Variants in ARHGEF7 observed in about 807,000 individuals in gnomAD.
The protein encoded by ARHGEF7 is PAK-interacting exchange factor beta.
A neutral mutation model predicts 109.8 loss-of-function variants in ARHGEF7; 33 were observed. That is an observed-to-expected ratio of 0.30 (90% CI 0.23 to 0.40). ARHGEF7 has a LOEUF of 0.40. Among genes scored for constraint, ARHGEF7 ranks in the 10% least tolerant of loss-of-function variants. The pLI is 1.00. For missense variants in ARHGEF7, 938 were observed against 1,098.5 expected, an observed-to-expected ratio of 0.85 and a Z score of 2.07; for synonymous variants, 458 against 424.6, an observed-to-expected ratio of 1.08 and a Z score of -0.97.
At chr13:111,280,062 G>A (rs2092700535) in intron 13 of ARHGEF7, among the ~76,000 whole-genome samples, 1 of 152,126 alleles carries the variant, frequency 6.6e-6, no homozygotes, top group South Asian at 2.1e-4. Context: ...CGCCAGTTGA[G>A]TTTCTTGCTT....
intron 19 of ARHGEF7, chr13:111,293,100 G>A: frequency 1.0e-6 from 1 of 985,434 alleles, no homozygotes; most frequent in Non-Finnish European, 1.2e-6. Context: ...CACATAGCAA[G>A]CCTGTACCAC....
intron 2 of ARHGEF7, among the ~76,000 whole-genome samples, chr13:111,191,533 G>T (rs2079890172): frequency 6.6e-6 from 1 of 152,178 alleles, no homozygotes; most frequent in Non-Finnish European, 1.5e-5. Flanking sequence ...CATAATGAGG[G>T]TGATAGGTTA....
intron 5 of ARHGEF7, among the ~76,000 whole-genome samples, chr13:111,229,227 C>T (rs546525929): frequency 2.0e-5 from 3 of 152,168 alleles, no homozygotes. Flanking sequence ...AGGACTACTT[C>T]CAGCTCACTC....
intron 18 of ARHGEF7, among the ~76,000 whole-genome samples, chr13:111,291,329 C>T (rs1024735685): frequency 6.6e-6 from 1 of 152,274 alleles, no homozygotes; most frequent in Non-Finnish European, 1.5e-5. Flanking sequence ...CTGTCATTCT[C>T]CTTTTAACAC....
chr13:111,221,937 G>C (rs1269341625), intron 5 of ARHGEF7, among the ~76,000 whole-genome samples: 1 of 152,134 alleles, frequency 6.6e-6, no homozygotes, highest in Non-Finnish European at 1.5e-5. Context: ...GGAGGCTGAT[G>C]TTTGAGGGCA....
chr13:111,293,783 C>T (rs1173185156), intron 19 of ARHGEF7: 4 of 985,430 alleles, frequency 4.1e-6, no homozygotes, highest in Non-Finnish European at 4.8e-6. Context: ...CCACTGCCCA[C>T]TCCTTCGCCA....
intron 1 of ARHGEF7, among the ~76,000 whole-genome samples, chr13:111,142,424 TC>T (rs1390122730): frequency 6.6e-6 from 1 of 152,258 alleles, no homozygotes; most frequent in Non-Finnish European, 1.5e-5. Context: ...AAAATGCATT[TC>T]CCAAGTACAG....
chr13:111,222,850 C>T (rs1328510395), intron 5 of ARHGEF7, among the ~76,000 whole-genome samples: 1 of 152,234 alleles, frequency 6.6e-6, no homozygotes, highest in Admixed American at 6.5e-5. Context: ...AGCAGACTTC[C>T]CTCTCACCTC....
chr13:111,130,514 A>C (rs994427520), intron 1 of ARHGEF7, among the ~76,000 whole-genome samples: 5 of 152,184 alleles, frequency 3.3e-5, no homozygotes, highest in African/African-American at 9.7e-5. Context: ...TTGTGTACTT[A>C]TGTTTTATTA....
chr13:111,153,947 A>G lies in ARHGEF7; in HGVS notation c.208A>G (p.Ile70Val), dbSNP rs1242036410. The G allele has an allele frequency of 1.2e-6, 2 of 1,605,524 alleles. No individual in the cohort carries two copies. Among genetic ancestry groups the G allele is most frequent in the Admixed American group, 3.3e-5 (2 of 59,720 alleles). ...GAGCGAGAGCGAGTGCCTGAGCAACATCCGCGAGTTCCTGCGCGGCTGCGG... is the reference window on the plus strand; with the variant it reads ...GAGCGAGAGCGAGTGCCTGAGCAACGTCCGCGAGTTCCTGCGCGGCTGCGG... ...PRSESECLSN[I>V]REFLRGCGAS... Residue 70 changes from isoleucine to valine, a missense_variant, in exon 2 of 22, where the codon ATC becomes GTC. Transcript: ENST00000646102.
intron 5 of ARHGEF7, among the ~76,000 whole-genome samples, chr13:111,220,801 G>A (rs925882708): frequency 1.1e-4 from 16 of 152,024 alleles, no homozygotes; most frequent in Admixed American, 3.9e-4. Context: ...TGTCTTAGGC[G>A]TGTCTGAGCG....
chr13:111,256,219 C>G (rs1430153985), intron 8 of ARHGEF7, among the ~76,000 whole-genome samples: 5 of 152,164 alleles, frequency 3.3e-5, no homozygotes, highest in Non-Finnish European at 7.4e-5. Context: ...GAAGGTTTCA[C>G]TTGGAAGGCG....
chr13:111,270,710 T>A (rs142309790), intron 9 of ARHGEF7, among the ~76,000 whole-genome samples: 150 of 152,334 alleles, frequency 9.8e-4, no homozygotes, highest in African/African-American at 3.4e-3. Flanking sequence ...TTTCCTTGAT[T>A]CTTATTTTGG....
Position 111,258,868 on chromosome 13 carries a change from A to G in ARHGEF7, c.951-8680A>G, listed in dbSNP as rs1332292613. 6.6e-6 allele frequency among the ~76,000 whole-genome samples: 1 copy of G among 151,990 alleles called. No homozygotes were observed. On this transcript the variant is annotated intron_variant, in intron 8 of 21. Coordinates refer to ENST00000646102, the MANE Select transcript of ARHGEF7 (RefSeq NM_001354046.2). This position sits in a 1 kb window ranked among gnomAD's most constrained non-coding sequence, Gnocchi z 4.4. The stretch of plus-strand genomic sequence containing the variant: ...CCCACTGCTCTGAAAGGAGAGTCTC[A>G]GGCCTGGTGGCATTCACCACAAACT...
At chr13:111,296,147 GCTGCTGT>G (rs2093423054) in intron 19 of ARHGEF7, among the ~76,000 whole-genome samples, 1 of 152,056 alleles carries the variant, frequency 6.6e-6, no homozygotes, top group South Asian at 2.1e-4. Flanking sequence ...GCACTGTGTT[GCTGCTGT>G]AGCCAGTCAT....
At chr13:111,187,109 G>C (rs189887581) in intron 2 of ARHGEF7, 8 of 706,996 alleles carry the variant, frequency 1.1e-5, no homozygotes, top group African/African-American at 1.9e-5. Context: ...GCGTGCATTT[G>C]TGTGGCCCTA....
At chr13:111,135,966 TC>T (rs1043292336) in intron 1 of ARHGEF7, among the ~76,000 whole-genome samples, 4 of 152,204 alleles carry the variant, frequency 2.6e-5, no homozygotes, top group African/African-American at 9.6e-5. Flanking sequence ...TTGAGATACG[TC>T]CCATCAATAC....
intron 2 of ARHGEF7, among the ~76,000 whole-genome samples, chr13:111,197,353 G>A (rs575505826): frequency 1.3e-5 from 2 of 152,136 alleles, no homozygotes; most frequent in Non-Finnish European, 2.9e-5. Context: ...ACTGAGGAAG[G>A]TTGGATTTAG....
At chr13:111,195,351 A>C (rs1163975483) in intron 2 of ARHGEF7, among the ~76,000 whole-genome samples, 1 of 152,176 alleles carries the variant, frequency 6.6e-6, no homozygotes, top group African/African-American at 2.4e-5. Flanking sequence ...AGGGTGTGGG[A>C]CTTTCAGGCA....
Sources: allele counts gnomAD v4.1 joint callset (sites outside exome capture counted in the v4.1 genomes callset), GRCh38; gene constraint gnomAD v4.1.1; non-coding constraint Gnocchi (gnomAD v3.1); transcripts MANE v1.5; gene names NCBI Gene and HGNC (gene_info 2026-07-23, HGNC 2026-07-21).